RFK: variants seen among roughly 807,000 people sequenced by gnomAD.
The protein encoded by RFK is 0610038L10Rik.
RFK carries 4 observed loss-of-function variants against 17.6 expected under a neutral mutation model. That is an observed-to-expected ratio of 0.23 (90% CI 0.11 to 0.52). The LOEUF is 0.52. Among genes scored for constraint, RFK ranks in the 20% least tolerant of loss-of-function variants. The probability of loss-of-function intolerance (pLI) is 0.96; values close to 1 mark genes in which losing one functional copy is unlikely to be tolerated. For synonymous variants in RFK, 59 were observed against 63.8 expected (o/e 0.92, Z 0.36); for missense variants, 189 against 187.7 (o/e 1.01, Z -0.04).
chr9:76,390,451 C>CCCAAAAGTTTGAGA (rs1300871533), intron 2 of RFK, among the ~76,000 whole-genome samples: 1 of 152,016 alleles, frequency 6.6e-6, no homozygotes, highest in African/African-American at 2.4e-5. Context: ...ACTGCTTGAG[C>CCCAAAAGTTTGAGA]CCAAAAGTTT....
At chr9:76,389,450 T>C (rs1822787104) in intron 2 of RFK, among the ~76,000 whole-genome samples, 1 of 152,042 alleles carries the variant, frequency 6.6e-6, no homozygotes, top group Non-Finnish European at 1.5e-5. Context: ...ATTTGAATAA[T>C]AAAAAAGAAA....
At position 76,394,260 on chromosome 9, in the gene RFK, C is replaced by T. The variant is rs1822862016; in HGVS notation, c.-89G>A. The T allele has an allele frequency of 1.5e-6, 2 of 1,369,716 alleles. No homozygotes were observed. Among genetic ancestry groups the T allele is most frequent in the Non-Finnish European group, 1.0e-6 (1 of 1,004,984 alleles). The allele number at this position is 1,369,716 out of a possible 1,614,324, so 84.8% of individuals were successfully genotyped here. On this transcript the variant is annotated 5_prime_UTR_variant, in exon 1 of 4. Transcript: ENST00000376736. ...CGCGGCGCCCAGACCCCGGACCAGC[C>T]GGGGGACAGGAGCGTGAGCTCTGCC...
At chr9:76,390,681 A>T (rs1416843760) in intron 2 of RFK, among the ~76,000 whole-genome samples, 1 of 148,984 alleles carries the variant, frequency 6.7e-6, no homozygotes, top group Non-Finnish European at 1.5e-5. Context: ...AAAACAAAAC[A>T]AAACTCTGTT....
At chr9:76,390,273 CAAGT>C (rs1822801878) in intron 2 of RFK, among the ~76,000 whole-genome samples, 3 of 152,138 alleles carry the variant, frequency 2.0e-5, no homozygotes, top group Admixed American at 1.3e-4. Context: ...AAACCACAGA[CAAGT>C]ATCTTCATGA....
At position 76,387,353 on chromosome 9, in the gene RFK, C is replaced by G. The variant is rs1237024346; in HGVS notation, c.*46G>C. On this transcript the variant is annotated 3_prime_UTR_variant, in exon 4 of 4. Coordinates refer to ENST00000376736, the MANE Select transcript of RFK (RefSeq NM_018339.6). ...AGATGATGCTGAACAGTAATAAACA[C>G]AGAAACACTAGAAAACAGTGAATGA... 1.3e-6 allele frequency: 2 copies of G among 1,557,046 alleles called. No individual in the cohort carries two copies. The highest frequency in any genetic ancestry group is 2.3e-4 in the Middle Eastern group (1 of 4,298).
chr9:76,387,141 G>GT lies in RFK; in HGVS notation c.*257dup. ...CCTTTTTACCCATACTTATACACAT[G>GT]TAATACCTTTCTAGTGGTACATTTT... On this transcript the variant is annotated 3_prime_UTR_variant, in exon 4 of 4. Coordinates refer to ENST00000376736, the MANE Select transcript of RFK (RefSeq NM_018339.6). The GT allele has an allele frequency of 3.2e-6, 1 of 316,674 alleles. No individual in the cohort carries two copies. The highest frequency in any genetic ancestry group is 5.9e-6 in the Non-Finnish European group (1 of 169,238). 19.6% of individuals were successfully genotyped at this position (316,674 alleles called of 1,614,324 possible).
At position 76,392,579 on chromosome 9, in the gene RFK, A is replaced by T. The variant is rs1372189073; in HGVS notation, c.83-10T>A. On this transcript the variant is annotated splice_polypyrimidine_tract_variant and intron_variant, in intron 1 of 3. Transcript: ENST00000376736. Reference sequence around the variant, plus strand: ...TGCTCAGGAAAATTAGCTAAACAACAGAAGAAAATATTTTGAGTCTTACAA... The same window carrying T: ...TGCTCAGGAAAATTAGCTAAACAACTGAAGAAAATATTTTGAGTCTTACAA... 6.2e-7 allele frequency: 1 copy of T among 1,613,846 alleles called. No homozygotes were observed. Among genetic ancestry groups the T allele is most frequent in the Non-Finnish European group, 8.5e-7 (1 of 1,179,760 alleles).
Position 76,392,430 on chromosome 9 carries a change from C to T in RFK, c.222G>A (p.Thr74=), listed in dbSNP as rs767893968. Residue 74 remains threonine (T), a synonymous_variant, in exon 2 of 4, where the codon ACG becomes ACA. Transcript: ENST00000376736. ...SIGWNPYYKN[T]KKSMETHIMH... Reference sequence around the variant, plus strand: ...ATATAATGCTTACCATAGACTTCTTCGTATTCTTGTAATATGGGTTCCATC... The same window carrying T: ...ATATAATGCTTACCATAGACTTCTTTGTATTCTTGTAATATGGGTTCCATC... The T allele has an allele frequency of 1.9e-6, 3 of 1,614,006 alleles. No homozygotes were observed. Among genetic ancestry groups the T allele is most frequent in the African/African-American group, 2.7e-5 (2 of 74,912 alleles).
At chr9:76,390,930 G>A (rs902054611) in intron 2 of RFK, among the ~76,000 whole-genome samples, 1 of 151,580 alleles carries the variant, frequency 6.6e-6, no homozygotes, top group Admixed American at 6.6e-5. Flanking sequence ...ATTTTCCACT[G>A]GTAAGATATG....
intron 1 of RFK, 181 bp downstream of exon 1, chr9:76,393,909 A>G: frequency 3.4e-6 from 2 of 593,170 alleles, no homozygotes; most frequent in Non-Finnish European, 5.7e-6. Context: ...AGAAGCAGGG[A>G]CAAGCTCCCT....
In RFK at chr9:76,394,153, A is replaced by C. The variant is rs148289048; in HGVS notation, c.19T>G (p.Phe7Val). The change falls in exon 1 of 4, where the codon TTC (phenylalanine) becomes GTC (valine). Residue 7 changes from phenylalanine (F) to valine (V), a missense_variant. Phe to Val is a conservative substitution (Grantham distance 50). Around this residue, in one of 3 missense-constraint regions of RFK, gnomAD observed 90 missense variants for 75.4 expected, o/e 1.19. Coordinates refer to ENST00000376736, the MANE Select transcript of RFK (RefSeq NM_018339.6). ...CCCCGCACCACTTGACCCCGGCAGA[A>C]GTAAGGCAGGTGCCTCATAATGCAG... Reference protein sequence around the residue: MRHLPYFCRGQVVRGFG... With the variant: MRHLPYVCRGQVVRGFG... 11 of 1,608,126 alleles carry C rather than the reference A, an allele frequency of 6.8e-6. No homozygotes were observed. Among genetic ancestry groups the C allele is most frequent in the Non-Finnish European group, 9.3e-6 (11 of 1,178,188 alleles).
At chr9:76,388,521 G>A (rs1564209308) in intron 3 of RFK, 33 bp downstream of exon 3, 2 of 1,268,614 alleles carry the variant, frequency 1.6e-6, no homozygotes, top group African/African-American at 2.9e-5. Context: ...GGTAGCAGTA[G>A]TAGTATTTAA....
chr9:76,391,898 T>A (rs1188474142), intron 2 of RFK, among the ~76,000 whole-genome samples: 1 of 150,472 alleles, frequency 6.6e-6, no homozygotes, highest in South Asian at 2.1e-4. Flanking sequence ...GAACAGCTAC[T>A]GCACTTCAGT....
rs144327421 is a variant in RFK at position 76,389,116 on chromosome 9, A to T, written c.235-460T>A. 2.7e-3 allele frequency among the ~76,000 whole-genome samples: 405 copies of T among 152,370 alleles called. 1 individual carries two copies. The highest frequency in any genetic ancestry group is 9.4e-3 in the African/African-American group (391 of 41,594). ...TGGCAGAGCTGAGGACTGAAGGGGC[A>T]GGAGAGCCAATGCAGCTTCCTGATC... On this transcript the variant is annotated intron_variant, in intron 2 of 3. Coordinates refer to ENST00000376736, the MANE Select transcript of RFK (RefSeq NM_018339.6).
Position 76,391,202 on chromosome 9 carries a change from TTAC to T in RFK, c.234+1213_234+1215del, listed in dbSNP as rs1822815877. 3.3e-5 allele frequency among the ~76,000 whole-genome samples: 5 copies of T among 152,266 alleles called. No individual in the cohort carries two copies. The South Asian group carries it at 1.0e-3, about 31-fold the overall frequency. ...CAAAATGTTAAGTACTTCTGCGTCA[TTAC>T]TATTGCTTACGCCAGCATTTAGCTC... On this transcript the variant is annotated intron_variant, in intron 2 of 3. Transcript: ENST00000376736.
At position 76,386,190 on chromosome 9, in the gene RFK, T is replaced by C. The variant is rs1207439958; in HGVS notation, c.*1209A>G. 6.6e-6 allele frequency: 1 copy of C among 152,128 alleles called. No homozygotes were observed. The highest frequency in any genetic ancestry group is 1.5e-5 in the Non-Finnish European group (1 of 68,022). 9.4% of individuals were successfully genotyped at this position (152,128 alleles called of 1,614,324 possible). A position where few individuals can be genotyped will look rare whatever the true frequency, so the allele number is the denominator to read the frequency against. On this transcript the variant is annotated 3_prime_UTR_variant, in exon 4 of 4. Transcript: ENST00000376736. ...ATCTGTAATCTTAATTTCCCACATA[T>C]TAGTTAGTAGGAGGAAAAATCCACA...
intron 2 of RFK, among the ~76,000 whole-genome samples, chr9:76,390,051 T>C (rs983214277): frequency 6.6e-6 from 1 of 152,222 alleles, no homozygotes; most frequent in Non-Finnish European, 1.5e-5. Flanking sequence ...ACCAAGTATG[T>C]ATGTGAATTT....
chr9:76,389,811 C>A (rs1324998165), intron 2 of RFK, among the ~76,000 whole-genome samples: 1 of 152,058 alleles, frequency 6.6e-6, no homozygotes, highest in Non-Finnish European at 1.5e-5. Context: ...ATGTAAGACC[C>A]TGACACTGAC....
Position 76,394,091 on chromosome 9 carries a change from T to G in RFK, c.81A>C (p.Thr27=). 6.2e-7 allele frequency: 1 copy of G among 1,603,838 alleles called. No homozygotes were observed. Among genetic ancestry groups the G allele is most frequent in the Non-Finnish European group, 8.5e-7 (1 of 1,176,554 alleles). ...GRGSKQLGIP[T]ANFPEQVVDN... is the part of the protein sequence containing the mutation. The stretch of plus-strand genomic sequence containing the variant: ...GGACTCTGGCCGCCCTGCTCTCACC[T>G]GTGGGGATGCCCAGCTGCTTGGAGC... Residue 27 remains threonine, a splice_region_variant and synonymous_variant, in exon 1 of 4, where the codon ACA becomes ACC. Coordinates refer to ENST00000376736, the MANE Select transcript of RFK (RefSeq NM_018339.6).
Sources: gnomAD v4.1 joint callset for allele counts (sites outside exome capture counted in the v4.1 genomes callset) on GRCh38, gnomAD v4.1.1 for gene constraint, gnomAD v4.1.1 regional missense constraint, MANE v1.5 for transcripts, NCBI Gene and HGNC (gene_info 2026-07-23, HGNC 2026-07-21) for gene names.